KBTBD11: variants seen among roughly 807,000 people sequenced by gnomAD.
KBTBD11 encodes kelch repeat and BTB domain containing 11, also known as kelch repeat and BTB domain-containing protein 11.
For missense variants in KBTBD11, 1,390 were observed against 1,001.8 expected (o/e 1.39, Z -5.23); for synonymous variants, 747 against 499.0 (o/e 1.50, Z -6.63).
At position 2,001,687 on chromosome 8, in the gene KBTBD11, C is replaced by A; in HGVS notation, c.495C>A (p.Phe165Leu). ...TGCTGGCGGCGCGCAGCGACTACTT[C>A]CGCGCGCGCGCGTCGCGGGACGTGC... ...KAVLAARSDY[F>L]RARASRDVLR... The change falls in exon 2 of 2, where the codon TTC (phenylalanine) becomes TTA (leucine). Residue 165 changes from phenylalanine (F) to leucine (L), a missense_variant. Transcript: ENST00000320248. 6.9e-7 allele frequency: 1 copy of A among 1,440,926 alleles called. No individual in the cohort carries two copies. The highest frequency in any genetic ancestry group is 9.1e-7 in the Non-Finnish European group (1 of 1,102,296). The allele number at this position is 1,440,926 out of a possible 1,614,324, so 89.3% of individuals were successfully genotyped here.
intron 1 of KBTBD11, among the ~76,000 whole-genome samples, chr8:1,993,702 T>C (rs1225270971): frequency 6.6e-6 from 1 of 151,882 alleles, no homozygotes; most frequent in Non-Finnish European, 1.5e-5. Context: ...TCCCTATCTG[T>C]AATGATACTA....
chr8:1,997,183 A>T (rs1294524330), intron 1 of KBTBD11, among the ~76,000 whole-genome samples: 3 of 152,092 alleles, frequency 2.0e-5, no homozygotes, highest in African/African-American at 7.2e-5. Context: ...ACAAGGATGG[A>T]CGCTCCTCAG....
intron 1 of KBTBD11, among the ~76,000 whole-genome samples, chr8:1,987,036 A>C: frequency 7.2e-6 from 1 of 139,140 alleles, no homozygotes; most frequent in African/African-American, 2.8e-5. Flanking sequence ...AAAAAAAACC[A>C]CGCACACACA....
intron 1 of KBTBD11, among the ~76,000 whole-genome samples, chr8:1,988,567 T>A (rs550142072): frequency 6.6e-6 from 1 of 152,386 alleles, no homozygotes; most frequent in Non-Finnish European, 1.5e-5. Flanking sequence ...TTGCCCACTT[T>A]TTGATGACTT....
chr8:1,999,307 T>C (rs1031789469), intron 1 of KBTBD11, among the ~76,000 whole-genome samples: 15 of 152,162 alleles, frequency 9.9e-5, no homozygotes, highest in Non-Finnish European at 2.1e-4. Flanking sequence ...ACATAATAAG[T>C]AGAACTTTAG....
At chr8:1,983,958 C>T (rs540367997) in intron 1 of KBTBD11, among the ~76,000 whole-genome samples, 1 of 151,800 alleles carries the variant, frequency 6.6e-6, no homozygotes, top group East Asian at 2.0e-4. Flanking sequence ...GGTGAAGCTC[C>T]GTCTCTACTA....
chr8:2,000,929 A>G lies in KBTBD11; in HGVS notation c.-264A>G. ...TCACCAAGACTTTCTGGGCAGATTT[A>G]AAGTGGCTGGGGTTCAGAAGTTCAG... On this transcript the variant is annotated 5_prime_UTR_variant, in exon 2 of 2. Coordinates refer to ENST00000320248, the MANE Select transcript of KBTBD11 (RefSeq NM_014867.3). 3 of 389,628 alleles carry G rather than the reference A, an allele frequency of 7.7e-6. No individual in the cohort carries two copies. The highest frequency in any genetic ancestry group is 9.0e-6 in the Non-Finnish European group (2 of 223,288). The allele number at this position is 389,628 out of a possible 1,614,324, so 24.1% of individuals were successfully genotyped here. A position where few individuals can be genotyped will look rare whatever the true frequency, so the allele number is the denominator to read the frequency against.
At chr8:1,988,651 C>G (rs1816777969) in intron 1 of KBTBD11, among the ~76,000 whole-genome samples, 1 of 152,298 alleles carries the variant, frequency 6.6e-6, no homozygotes, top group East Asian at 1.9e-4. Flanking sequence ...TTGCTAGTCT[C>G]TTCAAGCCTT....
At position 2,005,739 on chromosome 8, in the gene KBTBD11, G is replaced by A. The variant is rs1384843762; in HGVS notation, c.*2675G>A. ...TCCACACTCCTCATGAAATTAACCC[G>A]TATGCCGGGGCATTTCCAAATGTCT... is the stretch of plus-strand genomic sequence containing the variant. On this transcript the variant is annotated 3_prime_UTR_variant, in exon 2 of 2. Coordinates refer to ENST00000320248, the MANE Select transcript of KBTBD11 (RefSeq NM_014867.3). 1.8e-5 allele frequency: 3 copies of A among 167,080 alleles called. No individual in the cohort carries two copies. The highest frequency in any genetic ancestry group is 2.1e-4 in the South Asian group (1 of 4,832). 10.3% of individuals were successfully genotyped at this position (167,080 alleles called of 1,614,324 possible).
chr8:1,999,869 A>T (rs1421056693), intron 1 of KBTBD11, among the ~76,000 whole-genome samples: 1 of 152,248 alleles, frequency 6.6e-6, no homozygotes, highest in Non-Finnish European at 1.5e-5. Flanking sequence ...AAAATCACAC[A>T]ATCCAGTCAT....
chr8:1,996,597 A>C (rs939555309), intron 1 of KBTBD11, among the ~76,000 whole-genome samples: 1 of 152,102 alleles, frequency 6.6e-6, no homozygotes, highest in Non-Finnish European at 1.5e-5. Context: ...CATACCACAG[A>C]AGTTTACATA....
intron 1 of KBTBD11, among the ~76,000 whole-genome samples, chr8:1,991,719 C>G (rs1005258162): frequency 6.6e-6 from 1 of 152,020 alleles, no homozygotes; most frequent in Non-Finnish European, 1.5e-5. Flanking sequence ...CTGCACTGCC[C>G]TGAGGGAACC....
intron 1 of KBTBD11, among the ~76,000 whole-genome samples, chr8:1,995,209 A>G (rs976278003): frequency 1.3e-5 from 2 of 151,932 alleles, no homozygotes; most frequent in African/African-American, 4.8e-5. Context: ...CACCCTCCCC[A>G]TTTCTAAACT....
chr8:1,974,448 C>T (rs1816251191), intron 1 of KBTBD11: 1 of 984,116 alleles, frequency 1.0e-6, no homozygotes, highest in African/African-American at 1.8e-5. Flanking sequence ...GCTTGGCTCT[C>T]GGCGGTCGCG....
At chr8:1,999,711 C>T (rs531460415) in intron 1 of KBTBD11, among the ~76,000 whole-genome samples, 37 of 152,228 alleles carry the variant, frequency 2.4e-4, no homozygotes, top group Non-Finnish European at 4.3e-4. Flanking sequence ...TAGGAGTTGG[C>T]GCCATTTGGG....
At chr8:1,994,462 G>T (rs1817057048) in intron 1 of KBTBD11, among the ~76,000 whole-genome samples, 1 of 152,258 alleles carries the variant, frequency 6.6e-6, no homozygotes, top group Non-Finnish European at 1.5e-5. Flanking sequence ...AATGACTCAA[G>T]AGGTGTCATG....
chr8:1,984,349 C>T (rs1472554267), intron 1 of KBTBD11, among the ~76,000 whole-genome samples: 4 of 134,410 alleles, frequency 3.0e-5, no homozygotes, highest in Non-Finnish European at 6.1e-5. Flanking sequence ...AGTGCAGTGG[C>T]GTGATCTCGG....
chr8:1,995,060 C>CAA (rs5741960), intron 1 of KBTBD11, among the ~76,000 whole-genome samples: 6 of 101,160 alleles, frequency 5.9e-5, no homozygotes, highest in Non-Finnish European at 1.1e-4. Context: ...ACTCTTGTCT[C>CAA]AAAAAAAAAA....
intron 1 of KBTBD11, chr8:1,974,604 C>G: frequency 1.0e-6 from 1 of 985,188 alleles, no homozygotes; most frequent in Non-Finnish European, 1.2e-6. Flanking sequence ...CACCGCGACC[C>G]ACCCGCCCCA....
Sources: allele counts gnomAD v4.1 joint callset (sites outside exome capture counted in the v4.1 genomes callset), GRCh38; gene constraint gnomAD v4.1.1; transcripts MANE v1.5; gene names NCBI Gene and HGNC (gene_info 2026-07-23, HGNC 2026-07-21).